Variants in OSBPL3 observed in about 807,000 individuals in gnomAD.
OSBPL3 encodes the protein oxysterol-binding protein-related protein 3.
A neutral mutation model predicts 120.1 loss-of-function variants in OSBPL3; 65 were observed. That is an observed-to-expected ratio of 0.54 (90% CI 0.44 to 0.67). The LOEUF is 0.67. OSBPL3 is among the 30% of genes least tolerant of loss of function. The pLI, the probability that OSBPL3 is intolerant of heterozygous loss-of-function variation, is 0.00. For synonymous variants in OSBPL3, 416 were observed against 402.6 expected, an observed-to-expected ratio of 1.03 and a Z score of -0.40; for missense variants, 1,004 against 1,082.1, an observed-to-expected ratio of 0.93 and a Z score of 1.01.
intron 5 of OSBPL3, among the ~76,000 whole-genome samples, chr7:24,868,657 A>T (rs140214286): frequency 1.3e-5 from 2 of 152,316 alleles, no homozygotes; most frequent in East Asian, 3.9e-4. Flanking sequence ...ATAAGACTGG[A>T]AGCACCTGCA....
At position 24,861,635 on chromosome 7, in the gene OSBPL3, A is replaced by G; in HGVS notation, c.1005T>C (p.Asp335=). The G allele has an allele frequency of 1.2e-6, 2 of 1,602,990 alleles. No homozygotes were observed. Among genetic ancestry groups the G allele is most frequent in the Non-Finnish European group, 1.7e-6 (2 of 1,176,012 alleles). ...TSSEFSKMQE[D]LCHIAHKVYF... The stretch of plus-strand genomic sequence containing the variant: ...TACCTTTATGGGCAATATGACACAG[A>G]TCTTCTTGCATTTTAGAAAACTCTG... The change falls in exon 10 of 23, where the codon GAT becomes GAC. Residue 335 remains aspartate (D), a synonymous_variant. Coordinates refer to ENST00000313367, the MANE Select transcript of OSBPL3 (RefSeq NM_015550.4).
intron 10 of OSBPL3, among the ~76,000 whole-genome samples, chr7:24,860,027 G>A (rs1490126115): frequency 1.3e-5 from 2 of 151,924 alleles, no homozygotes; most frequent in African/African-American, 4.8e-5. Context: ...ACACATCTAT[G>A]GTACAATATA....
chr7:24,954,810 A>G (rs1198995304), intron 1 of OSBPL3, among the ~76,000 whole-genome samples: 3 of 152,242 alleles, frequency 2.0e-5, no homozygotes, highest in Non-Finnish European at 4.4e-5. Flanking sequence ...CCTAGAAATC[A>G]TAAAGGTGGA....
rs1365235088 is a variant in OSBPL3, at chr7:24,827,483, C to T, written c.1884+3285G>A. ...GAGGACTGCCTGGTGTACTGAATCA[C>T]ATAGCTGCATCTTCACACTGTATGC... On this transcript the variant is annotated intron_variant, in intron 16 of 22. Transcript: ENST00000313367. This position sits in a 1 kb window ranked among gnomAD's most constrained non-coding sequence, Gnocchi z 5.1. Among the ~76,000 whole-genome samples the T allele has an allele frequency of 6.6e-6, 1 of 152,248 alleles. No homozygotes were observed. Among genetic ancestry groups the T allele is most frequent in the Non-Finnish European group, 1.5e-5 (1 of 68,042 alleles).
intron 14 of OSBPL3, among the ~76,000 whole-genome samples, chr7:24,840,093 GCAGA>G (rs1423785133): frequency 1.3e-5 from 2 of 148,444 alleles, no homozygotes; most frequent in East Asian, 4.0e-4. Context: ...ATTTGCATAA[GCAGA>G]CAAATTTATT....
At position 24,872,978 on chromosome 7, in the gene OSBPL3, C is replaced by T. The variant is rs1802377200; in HGVS notation, c.97-909G>A. ...TACATTTTTATTGGGGTACAATATACATGAAATGCATGAATCTTAAGAGTA... is the reference window on the plus strand; with the variant it reads ...TACATTTTTATTGGGGTACAATATATATGAAATGCATGAATCTTAAGAGTA... On this transcript the variant is annotated intron_variant, in intron 2 of 22. Transcript: ENST00000313367. The surrounding 1 kb of genome is among the most constrained non-coding windows in gnomAD (Gnocchi z 4.1). Among the ~76,000 whole-genome samples, 1 of 152,104 alleles carries T rather than the reference C, an allele frequency of 6.6e-6. No individual in the cohort carries two copies.
At chr7:24,870,673 A>G (rs1188120431) in intron 5 of OSBPL3, 59 bp downstream of exon 5, 1 of 1,048,892 alleles carries the variant, frequency 9.5e-7, no homozygotes, top group Non-Finnish European at 1.5e-6. Context: ...CCAATAGTAT[A>G]ATAACTGATG....
At position 24,979,910 on chromosome 7, in the gene OSBPL3, C is replaced by CT. The variant is rs1584789317; in HGVS notation, c.-175dup. 1.0e-6 allele frequency: 1 copy of CT among 970,166 alleles called. No homozygotes were observed. Among genetic ancestry groups the CT allele is most frequent in the East Asian group, 1.2e-4 (1 of 8,128 alleles). The allele number at this position is 970,166 out of a possible 1,614,324, so 60.1% of individuals were successfully genotyped here. ...CCTGAGCGCTGTGCAGCCGGAGACG[C>CT]TCCCTAGTTCCCCGGGGCCGGGCTC... is the stretch of plus-strand genomic sequence containing the variant. On this transcript the variant is annotated 5_prime_UTR_variant, in exon 1 of 23. Coordinates refer to ENST00000313367, the MANE Select transcript of OSBPL3 (RefSeq NM_015550.4).
chr7:24,952,563 T>C lies in OSBPL3; in HGVS notation c.-150+27323A>G, dbSNP rs1002060343. 3.9e-5 allele frequency among the ~76,000 whole-genome samples: 6 copies of C among 152,226 alleles called. No homozygotes were observed. Among genetic ancestry groups the C allele is most frequent in the African/African-American group, 1.4e-4 (6 of 41,452 alleles). On this transcript the variant is annotated intron_variant, in intron 1 of 22. Coordinates refer to ENST00000313367, the MANE Select transcript of OSBPL3 (RefSeq NM_015550.4). This position sits in a 1 kb window ranked among gnomAD's most constrained non-coding sequence, Gnocchi z 4.4. ...CTCTATAAATATGGAAAGATGCTCA[T>C]ATGAGCCACCTTTGGAGACTAGGTA...
At position 24,870,840 on chromosome 7, in the gene OSBPL3, C is replaced by CTCTA; in HGVS notation, c.269_272dup (p.Glu91AspfsTer11). ...CAATGCAGCCATGCAGCTTCTCTCT[C>CTCTA]TCTATCTGCAGAGGCACCAAGAGGG... On this transcript the variant is annotated frameshift_variant, in exon 5 of 23. Transcript: ENST00000313367. LOFTEE classifies it high-confidence loss of function. The CTCTA allele has an allele frequency of 6.2e-7, 1 of 1,609,196 alleles. No homozygotes were observed. Among genetic ancestry groups the CTCTA allele is most frequent in the Non-Finnish European group, 8.5e-7 (1 of 1,175,558 alleles).
In OSBPL3 at chr7:24,809,504, G is replaced by T. The variant is rs562599337; in HGVS notation, c.2317+303C>A. Among the ~76,000 whole-genome samples the T allele has an allele frequency of 3.0e-4, 46 of 152,234 alleles. No individual in the cohort carries two copies. The South Asian group carries it at 3.3e-3, about 11-fold the overall frequency. On this transcript the variant is annotated intron_variant, in intron 20 of 22. Coordinates refer to ENST00000313367, the MANE Select transcript of OSBPL3 (RefSeq NM_015550.4). ...TGCATTTCACTGATACTCTTTTATA[G>T]TACCCAGTAGAGTTATGCATGTGGA...
chr7:24,909,439 C>G (rs1808447644), intron 1 of OSBPL3, among the ~76,000 whole-genome samples: 1 of 152,182 alleles, frequency 6.6e-6, no homozygotes, highest in Non-Finnish European at 1.5e-5. Flanking sequence ...TAGCTGGACC[C>G]AGAAATGAAA....
At chr7:24,848,349 A>C (rs758215158) in intron 12 of OSBPL3, among the ~76,000 whole-genome samples, 3 of 152,236 alleles carry the variant, frequency 2.0e-5, no homozygotes, top group Non-Finnish European at 2.9e-5. Context: ...TTTGTTAATA[A>C]AAATTTAGCA....
intron 12 of OSBPL3, among the ~76,000 whole-genome samples, chr7:24,846,451 G>A (rs991107723): frequency 3.9e-5 from 6 of 152,160 alleles, no homozygotes; most frequent in South Asian, 2.1e-4. Context: ...AATGCATGCC[G>A]ATATAGCAAA....
intron 1 of OSBPL3, among the ~76,000 whole-genome samples, chr7:24,908,036 T>A (rs1808205096): frequency 6.6e-6 from 1 of 152,252 alleles, no homozygotes; most frequent in East Asian, 1.9e-4. Flanking sequence ...ATATTTCAGC[T>A]ATTCCTTCCT....
At chr7:24,941,488 C>T (rs1217963153) in intron 1 of OSBPL3, among the ~76,000 whole-genome samples, 1 of 152,196 alleles carries the variant, frequency 6.6e-6, no homozygotes, top group Admixed American at 6.5e-5. Flanking sequence ...GAGCTCTCCC[C>T]ACTAAATGAT....
chr7:24,905,642 G>A (rs1168695367), intron 1 of OSBPL3, among the ~76,000 whole-genome samples: 4 of 152,304 alleles, frequency 2.6e-5, no homozygotes, highest in East Asian at 1.9e-4. Context: ...CGCGTCCAGG[G>A]CTAAGAGTCA....
Position 24,891,449 on chromosome 7 carries a change from T to C in OSBPL3, c.96+928A>G, listed in dbSNP as rs761566323. Among the ~76,000 whole-genome samples, 6 of 152,316 alleles carry C rather than the reference T, an allele frequency of 3.9e-5. No individual in the cohort carries two copies. Among genetic ancestry groups the C allele is most frequent in the Admixed American group, 6.5e-5 (1 of 15,304 alleles). On this transcript the variant is annotated intron_variant, in intron 2 of 22. Coordinates refer to ENST00000313367, the MANE Select transcript of OSBPL3 (RefSeq NM_015550.4). This position sits in a 1 kb window ranked among gnomAD's most constrained non-coding sequence, Gnocchi z 4.1. ...CGTGACTGAGGTGGGAGTTGCTTAA[T>C]TGCTGCTTCCAATTCTGGAACCAAA...
At position 24,899,866 on chromosome 7, in the gene OSBPL3, C is replaced by G. The variant is rs1806725020; in HGVS notation, c.-149-7245G>C. The stretch of plus-strand genomic sequence containing the variant: ...CTTTAGATGAGTTGAATCAGAATTT[C>G]TATCTAGAGACGGGCCTGATAATCT... On this transcript the variant is annotated intron_variant, in intron 1 of 22. Transcript: ENST00000313367. The surrounding 1 kb of genome is among the most constrained non-coding windows in gnomAD (Gnocchi z 4.0). Among the ~76,000 whole-genome samples the G allele has an allele frequency of 6.6e-6, 1 of 152,212 alleles. No homozygotes were observed. Among genetic ancestry groups the G allele is most frequent in the Non-Finnish European group, 1.5e-5 (1 of 68,038 alleles).
Sources: gnomAD v4.1 joint callset for allele counts (sites outside exome capture counted in the v4.1 genomes callset) on GRCh38, gnomAD v4.1.1 for gene constraint, Gnocchi (gnomAD v3.1) non-coding constraint, MANE v1.5 for transcripts, NCBI Gene and HGNC (gene_info 2026-07-23, HGNC 2026-07-21) for gene names.